The following TMEM131L variants were observed in gnomAD, a reference collection of about 807,000 sequenced individuals.
TMEM131L encodes the protein transmembrane protein 131-like.
TMEM131L carries 54 observed loss-of-function variants against 192.2 expected under a neutral mutation model. That is an observed-to-expected ratio of 0.28 (90% confidence interval 0.23 to 0.35). TMEM131L has a LOEUF of 0.35. Among genes scored for constraint, TMEM131L ranks in the 10% least tolerant of loss-of-function variants. The pLI is 1.00. For synonymous variants in TMEM131L, 701 were observed against 704.9 expected, an observed-to-expected ratio of 0.99 and a Z score of 0.09; for missense variants, 1,888 against 1,972.9, an observed-to-expected ratio of 0.96 and a Z score of 0.82.
chr4:153,549,486 T>G (rs1737444233), intron 3 of TMEM131L, among the ~76,000 whole-genome samples: 1 of 152,278 alleles, frequency 6.6e-6, no homozygotes, highest in Non-Finnish European at 1.5e-5. Context: ...TTTACATGTT[T>G]TTAAAAATAT....
At chr4:153,502,276 T>TA (rs1733672686) in intron 3 of TMEM131L, among the ~76,000 whole-genome samples, 1 of 152,162 alleles carries the variant, frequency 6.6e-6, no homozygotes, top group African/African-American at 2.4e-5. Flanking sequence ...TTCCAGAACT[T>TA]AGTCATATGG....
chr4:153,483,761 A>G (rs1732110772), intron 3 of TMEM131L, among the ~76,000 whole-genome samples: 1 of 152,182 alleles, frequency 6.6e-6, no homozygotes, highest in Admixed American at 6.5e-5. Flanking sequence ...AAGAAAGAGA[A>G]GAGACTTGGG....
intron 32 of TMEM131L, 38 bp downstream of exon 32, chr4:153,632,876 C>CTAA (rs1561263384): frequency 8.1e-6 from 13 of 1,610,072 alleles, no homozygotes; most frequent in Middle Eastern, 1.7e-4. Context: ...CTTGCTTAGT[C>CTAA]TAAGGGCTTG....
Position 153,478,965 on chromosome 4 carries a change from G to T in TMEM131L, c.239+5077G>T, listed in dbSNP as rs886478082. On this transcript the variant is annotated intron_variant, in intron 3 of 34. Transcript: ENST00000409959. Reference sequence around the variant, plus strand: ...TTGTCTCTTAAGAACCCATACAGAGGAGTCACTACTAACTTTGGACTTGAG... The same window carrying T: ...TTGTCTCTTAAGAACCCATACAGAGTAGTCACTACTAACTTTGGACTTGAG... Among the ~76,000 whole-genome samples, 4 of 152,298 alleles carry T rather than the reference G, an allele frequency of 2.6e-5. No homozygotes were observed. In the East Asian group the frequency reaches 7.7e-4, roughly 29 times the overall value.
At chr4:153,544,863 C>G (rs1350062623) in intron 3 of TMEM131L, among the ~76,000 whole-genome samples, 4 of 152,180 alleles carry the variant, frequency 2.6e-5, no homozygotes, top group Non-Finnish European at 5.9e-5. Flanking sequence ...GAGCTGACCA[C>G]CTGCCTCCGT....
At chr4:153,591,341 A>G (rs1731054353) in intron 17 of TMEM131L, 147 bp downstream of exon 17, 1 of 620,964 alleles carries the variant, frequency 1.6e-6, no homozygotes, top group Non-Finnish European at 2.6e-6. Flanking sequence ...GTAAAACTCT[A>G]AACAGACTGA....
rs1307391333 is a variant in TMEM131L at position 153,586,386 on chromosome 4, T to G, written c.1482+7T>G. The G allele has an allele frequency of 6.3e-7, 1 of 1,584,284 alleles. No individual in the cohort carries two copies. Among genetic ancestry groups the G allele is most frequent in the Non-Finnish European group, 8.6e-7 (1 of 1,166,266 alleles). On this transcript the variant is annotated splice_region_variant and intron_variant, in intron 14 of 34. Coordinates refer to ENST00000409959, the MANE Select transcript of TMEM131L (RefSeq NM_001131007.2). ...TTATTCAGCACCAACCAAGGTATTT[T>G]CTACAATACTATATGTGTGTTACAG...
chr4:153,624,128 A>AT (rs147130615), intron 29 of TMEM131L, among the ~76,000 whole-genome samples: 14,293 of 117,270 alleles, frequency 0.12, 911 homozygotes, highest in East Asian at 0.33. Flanking sequence ...TTAATTATTT[A>AT]TTTTTTTTTT....
chr4:153,621,989 A>G lies in TMEM131L; in HGVS notation c.3859+140A>G, dbSNP rs61410293. 1.2e-3 allele frequency: 1,027 copies of G among 833,066 alleles called. 5 individuals carry two copies. In the African/African-American group the frequency reaches 0.016, roughly 13 times the overall value. The allele number at this position is 833,066 out of a possible 1,614,324, so 51.6% of individuals were successfully genotyped here. ...GCTAATAACTAAAGCCCCAGTGGAA[A>G]GCTTTCAGGGTGAGACCAGAAAACT... On this transcript the variant is annotated intron_variant, in intron 28 of 34. Transcript: ENST00000409959.
At chr4:153,630,905 T>G (rs1232996551) in intron 31 of TMEM131L, among the ~76,000 whole-genome samples, 1 of 152,126 alleles carries the variant, frequency 6.6e-6, no homozygotes, top group African/African-American at 2.4e-5. Flanking sequence ...GGCTGTAAGG[T>G]TTAATCAGAA....
In TMEM131L at chr4:153,603,390, T is replaced by G. The variant is rs774617453; in HGVS notation, c.2727T>G (p.Asn909Lys). The G allele has an allele frequency of 6.2e-7, 1 of 1,614,040 alleles. No individual in the cohort carries two copies. Among genetic ancestry groups the G allele is most frequent in the South Asian group, 1.1e-5 (1 of 91,084 alleles). The part of the protein sequence containing the change: ...MEFMKTRQRQ[N>K]ASSSSQQNNG... ...TCATGAAAACAAGACAGAGGCAAAATGCTAGCTCCTCTTCACAGCAAAACA... is the reference window on the plus strand; with the variant it reads ...TCATGAAAACAAGACAGAGGCAAAAGGCTAGCTCCTCTTCACAGCAAAACA... The change falls in exon 24 of 35, where the codon AAT (asparagine) becomes AAG (lysine). Residue 909 changes from asparagine (N) to lysine (K), a missense_variant. Transcript: ENST00000409959.
chr4:153,577,270 CT>C (rs997032286), intron 7 of TMEM131L, among the ~76,000 whole-genome samples: 32 of 152,236 alleles, frequency 2.1e-4, no homozygotes, highest in African/African-American at 7.5e-4. Context: ...GGATTTGGGA[CT>C]TTTGCCAAGT....
At chr4:153,473,925 A>G (rs755128651) in intron 3 of TMEM131L, 37 bp downstream of exon 3, 1 of 1,483,428 alleles carries the variant, frequency 6.7e-7, no homozygotes. Flanking sequence ...TGCATGCTGA[A>G]TGTCCCTGCC....
Position 153,598,666 on chromosome 4 carries a change from C to T in TMEM131L, c.2200C>T (p.Leu734Phe), listed in dbSNP as rs1179031050. The change falls in exon 21 of 35, where the codon CTT becomes TTT. Residue 734 changes from leucine to phenylalanine, a missense_variant. Coordinates refer to ENST00000409959, the MANE Select transcript of TMEM131L (RefSeq NM_001131007.2). ...AGAGTTATTAAAAGTGGGTGGAAGACTTCCTGGTGCAGGAGGCTCACTCCG... is the reference window on the plus strand; with the variant it reads ...AGAGTTATTAAAAGTGGGTGGAAGATTTCCTGGTGCAGGAGGCTCACTCCG... ...ARELLKVGGRLPGAGGSLRFK... is the reference protein window; with the variant it reads ...ARELLKVGGRFPGAGGSLRFK... 2.5e-6 allele frequency: 4 copies of T among 1,613,970 alleles called. No individual in the cohort carries two copies. Among genetic ancestry groups the T allele is most frequent in the Non-Finnish European group, 1.7e-6 (2 of 1,179,908 alleles).
intron 3 of TMEM131L, 62 bp from the exon 4 acceptor site, chr4:153,550,011 T>C: frequency 1.3e-6 from 1 of 782,336 alleles, no homozygotes; most frequent in East Asian, 2.9e-5. Flanking sequence ...TCTAAGTACG[T>C]TATATCTCAG....
chr4:153,581,439 T>G lies in TMEM131L; in HGVS notation c.771T>G (p.Arg257=), dbSNP rs370093363. Residue 257 remains arginine (R), a synonymous_variant, in exon 9 of 35, where the codon CGT becomes CGG. Transcript: ENST00000409959. ...ATCTGGAATCTGATGATGTTTTGCG[T>G]CTACAAATGAGCATAATGGTAACAA... ...GCYLESDDVL[R]LQMSIMVTME... 6.3e-6 allele frequency: 10 copies of G among 1,584,112 alleles called. No individual in the cohort carries two copies. Among genetic ancestry groups the G allele is most frequent in the Non-Finnish European group, 8.6e-7 (1 of 1,163,742 alleles).
intron 26 of TMEM131L, among the ~76,000 whole-genome samples, chr4:153,615,109 C>G (rs1324484890): frequency 6.6e-6 from 1 of 152,152 alleles, no homozygotes; most frequent in African/African-American, 2.4e-5. Context: ...TGTATTCATT[C>G]TATAATATTC....
chr4:153,468,595 A>G (rs1730939875), intron 2 of TMEM131L, among the ~76,000 whole-genome samples: 2 of 152,222 alleles, frequency 1.3e-5, no homozygotes, highest in South Asian at 4.1e-4. Flanking sequence ...TTTGTATATC[A>G]GAGTTGTTCA....
At chr4:153,626,643 A>G (rs534036957) in intron 30 of TMEM131L, among the ~76,000 whole-genome samples, 1 of 152,280 alleles carries the variant, frequency 6.6e-6, no homozygotes, top group South Asian at 2.1e-4. Flanking sequence ...GCATGCCTGT[A>G]TTTCCAGCTA....
Sources: allele counts gnomAD v4.1 joint callset (sites outside exome capture counted in the v4.1 genomes callset), GRCh38; gene constraint gnomAD v4.1.1; transcripts MANE v1.5; gene names NCBI Gene and HGNC (gene_info 2026-07-23, HGNC 2026-07-21).